EYA2: variants seen among roughly 807,000 people sequenced by gnomAD.
The protein encoded by EYA2 is EYA transcriptional coactivator and phosphatase 2, also known as protein phosphatase EYA2.
EYA2 carries 31 observed loss-of-function variants against 69.2 expected under a neutral mutation model. The ratio of observed to expected loss-of-function variants is 0.45; its 90% CI spans 0.34 to 0.60. The LOEUF (loss-of-function observed/expected upper bound fraction) is 0.60. Among genes scored for constraint, EYA2 ranks in the 20% least tolerant of loss-of-function variants. The pLI, the probability that EYA2 is intolerant of heterozygous loss-of-function variation, is 0.02. For synonymous variants in EYA2, 257 were observed against 279.4 expected (o/e 0.92, Z 0.80); for missense variants, 622 against 701.2 (o/e 0.89, Z 1.28).
chr20:47,003,366 G>A (rs140867977), intron 3 of EYA2, among the ~76,000 whole-genome samples: 257 of 152,350 alleles, frequency 1.7e-3, no homozygotes, highest in African/African-American at 5.9e-3. Flanking sequence ...GTAGGCATGA[G>A]AATTGACTAC....
At chr20:47,068,478 T>C (rs2031194730) in intron 5 of EYA2, among the ~76,000 whole-genome samples, 1 of 152,204 alleles carries the variant, frequency 6.6e-6, no homozygotes, top group Non-Finnish European at 1.5e-5. Flanking sequence ...GCATGGACTA[T>C]TGGTTCTCAA....
chr20:47,165,088 A>G (rs574943593), intron 10 of EYA2, among the ~76,000 whole-genome samples: 16 of 152,332 alleles, frequency 1.1e-4, no homozygotes, highest in Admixed American at 4.6e-4. Context: ...AAGTAGGACT[A>G]AAGAACTGAA....
At chr20:46,979,163 C>A (rs1206527557) in intron 1 of EYA2, among the ~76,000 whole-genome samples, 1 of 152,222 alleles carries the variant, frequency 6.6e-6, no homozygotes, top group East Asian at 1.9e-4. Flanking sequence ...GGTGTACTCA[C>A]GGGGGTGTGG....
At chr20:47,151,367 T>C (rs1300406070) in intron 10 of EYA2, among the ~76,000 whole-genome samples, 6 of 150,592 alleles carry the variant, frequency 4.0e-5, no homozygotes, top group Admixed American at 2.6e-4. Flanking sequence ...CGAGACTCCA[T>C]CTCAAAAAAA....
At chr20:46,934,750 G>A (rs942441237) in intron 1 of EYA2, among the ~76,000 whole-genome samples, 1 of 152,132 alleles carries the variant, frequency 6.6e-6, no homozygotes, top group Non-Finnish European at 1.5e-5. Context: ...ATGGGAGGAA[G>A]GGAATCTCTG....
At chr20:47,125,864 T>C (rs530140732) in intron 9 of EYA2, among the ~76,000 whole-genome samples, 6 of 151,932 alleles carry the variant, frequency 3.9e-5, no homozygotes, top group Admixed American at 1.3e-4. Context: ...GGTTTTGATG[T>C]GTTTTGTGTG....
At chr20:47,038,667 A>G (rs536757068) in intron 5 of EYA2, among the ~76,000 whole-genome samples, 2 of 152,298 alleles carry the variant, frequency 1.3e-5, no homozygotes, top group South Asian at 4.1e-4. Context: ...ATTATACAGT[A>G]AGGAGTGTGA....
intron 10 of EYA2, among the ~76,000 whole-genome samples, chr20:47,147,566 T>C (rs1327709362): frequency 1.3e-5 from 2 of 152,160 alleles, no homozygotes; most frequent in Non-Finnish European, 2.9e-5. Context: ...CTTTGGGCCA[T>C]TGTAAGGCTT....
intron 1 of EYA2, among the ~76,000 whole-genome samples, chr20:46,973,074 C>G (rs753278045): frequency 1.3e-5 from 2 of 152,072 alleles, no homozygotes; most frequent in Non-Finnish European, 2.9e-5. Context: ...CAAGGGCCCT[C>G]GTGGTGTCAC....
chr20:47,164,543 G>A (rs1176914015), intron 10 of EYA2, among the ~76,000 whole-genome samples: 1 of 152,156 alleles, frequency 6.6e-6, no homozygotes, highest in Non-Finnish European at 1.5e-5. Flanking sequence ...TGTTTCCTCT[G>A]CGCCTGGGTC....
At chr20:46,897,437 T>G (rs1983867958) in intron 1 of EYA2, among the ~76,000 whole-genome samples, 1 of 152,182 alleles carries the variant, frequency 6.6e-6, no homozygotes, top group Non-Finnish European at 1.5e-5. Flanking sequence ...AAGAAACCGT[T>G]TCCTTATTTT....
rs146251116 is a variant in EYA2 at position 47,108,385 on chromosome 20, C to T, written c.888+11217C>T. ...CATGCTGGCTCCCCTTTGCTTTCCA[C>T]CATGAGTGGAAGCAGCCTGAGGCCT... On this transcript the variant is annotated intron_variant, in intron 9 of 15. Transcript: ENST00000327619. Among the ~76,000 whole-genome samples, 227 of 152,266 alleles carry T rather than the reference C, an allele frequency of 1.5e-3. 1 individual carries two copies. Among genetic ancestry groups the T allele is most frequent in the Non-Finnish European group, 2.7e-3 (182 of 68,016 alleles).
intron 9 of EYA2, among the ~76,000 whole-genome samples, chr20:47,116,258 A>G (rs559573735): frequency 9.9e-5 from 14 of 140,868 alleles, no homozygotes; most frequent in African/African-American, 3.8e-4. Context: ...GCTCACTGCA[A>G]CCTCCGCCTG....
At chr20:46,990,290 A>T (rs1981569998) in intron 2 of EYA2, among the ~76,000 whole-genome samples, 171 bp downstream of exon 2, 1 of 152,190 alleles carries the variant, frequency 6.6e-6, no homozygotes, top group African/African-American at 2.4e-5. Context: ...TACATCTCTA[A>T]CAACTCTGTC....
intron 9 of EYA2, among the ~76,000 whole-genome samples, chr20:47,109,283 T>C (rs2032682372): frequency 6.6e-6 from 1 of 151,864 alleles, no homozygotes; most frequent in Non-Finnish European, 1.5e-5. Flanking sequence ...TTTCTTAAGT[T>C]AAGCCTCAAA....
Position 47,148,058 on chromosome 20 carries a change from CA to C in EYA2, c.978+4925del, listed in dbSNP as rs1264883844. 4.4e-3 allele frequency among the ~76,000 whole-genome samples: 367 copies of C among 82,740 alleles called. 1 individual carries two copies. Among genetic ancestry groups the C allele is most frequent in the Middle Eastern group, 0.014 (2 of 140 alleles). The allele number at this position is 82,740 out of a possible 152,430, so 54.3% of individuals were successfully genotyped here. On this transcript the variant is annotated intron_variant, in intron 10 of 15. Coordinates refer to ENST00000327619, the MANE Select transcript of EYA2 (RefSeq NM_005244.5). The stretch of plus-strand genomic sequence containing the variant: ...TGGGCGACAGAGCAAGACTCTGTCT[CA>C]AAAAAAAAAAAAAAGAATAAAAAAA...
At chr20:47,117,916 C>T (rs758079771) in intron 9 of EYA2, among the ~76,000 whole-genome samples, 1 of 152,136 alleles carries the variant, frequency 6.6e-6, no homozygotes, top group Non-Finnish European at 1.5e-5. Context: ...ATTTCTTTAA[C>T]GAGAAAACCT....
chr20:46,896,062 G>C (rs1301788399), intron 1 of EYA2, among the ~76,000 whole-genome samples: 1 of 152,172 alleles, frequency 6.6e-6, no homozygotes, highest in Non-Finnish European at 1.5e-5. Context: ...TAACGTGGAG[G>C]TATAAATCAC....
intron 5 of EYA2, among the ~76,000 whole-genome samples, chr20:47,022,463 G>A (rs550186308): frequency 3.3e-5 from 5 of 151,884 alleles, no homozygotes; most frequent in Non-Finnish European, 5.9e-5. Context: ...ACAGGCGCCT[G>A]CCACCACACC....
Sources: allele counts gnomAD v4.1 joint callset (sites outside exome capture counted in the v4.1 genomes callset), GRCh38; gene constraint gnomAD v4.1.1; transcripts MANE v1.5; gene names NCBI Gene and HGNC (gene_info 2026-07-23, HGNC 2026-07-21).